The following SULT2B1 variants were observed in gnomAD, a reference collection of about 807,000 sequenced individuals.
The protein encoded by SULT2B1 is sulfotransferase 2B1.
A neutral mutation model predicts 33.2 loss-of-function variants in SULT2B1; 16 were observed. The observed-to-expected ratio is 0.48, with a 90% CI of 0.33 to 0.73. SULT2B1 has a LOEUF of 0.73. Ranked by LOEUF, SULT2B1 falls within the 30% of genes least tolerant of loss-of-function variation. SULT2B1 has a pLI of 0.02. For missense variants in SULT2B1, 500 were observed against 506.0 expected (o/e 0.99, Z 0.11); for synonymous variants, 186 against 200.5 (o/e 0.93, Z 0.61).
chr19:48,578,635 G>A (rs1973444514), intron 2 of SULT2B1, among the ~76,000 whole-genome samples: 1 of 152,104 alleles, frequency 6.6e-6, no homozygotes, highest in East Asian at 1.9e-4. Flanking sequence ...CCAGCAGTTT[G>A]GGAGGCTGAG....
chr19:48,583,899 G>A (rs906492815), intron 2 of SULT2B1, among the ~76,000 whole-genome samples: 3 of 151,968 alleles, frequency 2.0e-5, no homozygotes, highest in Non-Finnish European at 4.4e-5. Flanking sequence ...AGATCACGAG[G>A]TGAAGAGATT....
In SULT2B1 at chr19:48,576,102, G is replaced by A. The variant is rs1973402422; in HGVS notation, c.214+19G>A. On this transcript the variant is annotated intron_variant, in intron 2 of 6. Transcript: ENST00000201586. The stretch of plus-strand genomic sequence containing the variant: ...AAGTCAGGTACCTGCCGGGCTGCGG[G>A]CGTCGGGGGCTGGGGAGAGTGGGGA... 2.5e-6 allele frequency: 4 copies of A among 1,595,342 alleles called. No homozygotes were observed. Among genetic ancestry groups the A allele is most frequent in the Non-Finnish European group, 3.4e-6 (4 of 1,169,520 alleles).
chr19:48,576,359 C>CTTTT (rs1188887401), intron 2 of SULT2B1, among the ~76,000 whole-genome samples: 1 of 96,716 alleles, frequency 1.0e-5, no homozygotes, highest in South Asian at 3.4e-4. Context: ...CTCTACTTCT[C>CTTTT]TTTTTTTTTT....
intron 1 of SULT2B1, among the ~76,000 whole-genome samples, chr19:48,560,274 G>T (rs767131844): frequency 1.3e-5 from 2 of 152,208 alleles, no homozygotes; most frequent in African/African-American, 4.8e-5. Context: ...CTGAGCATCT[G>T]CCCTGAGCCA....
chr19:48,587,472 C>T lies in SULT2B1; in HGVS notation c.423+35C>T, dbSNP rs781746777. On this transcript the variant is annotated intron_variant, in intron 3 of 6. Transcript: ENST00000201586. ...AGGGGTGTGTGTCAGTTGGGAGGGG[C>T]TGCATGGGTGTATGGGGTAATGGGG... The T allele has an allele frequency of 3.7e-6, 6 of 1,609,010 alleles. No individual in the cohort carries two copies. In the South Asian group the frequency reaches 4.4e-5, roughly 12 times the overall value.
chr19:48,592,719 C>A lies in SULT2B1; in HGVS notation c.551-3C>A. ...CTCACCCCACTTGTCCCTCTGCCCA[C>A]AGTGCAGTTTGGCTCCTGGTTCGAC... On this transcript the variant is annotated splice_region_variant and splice_polypyrimidine_tract_variant and intron_variant, in intron 4 of 6. Coordinates refer to ENST00000201586, the MANE Select transcript of SULT2B1 (RefSeq NM_177973.2). 1.9e-6 allele frequency: 3 copies of A among 1,589,100 alleles called. No individual in the cohort carries two copies. Among genetic ancestry groups the A allele is most frequent in the Non-Finnish European group, 2.6e-6 (3 of 1,166,920 alleles).
At chr19:48,598,679 C>A (rs1973755983) in intron 6 of SULT2B1, among the ~76,000 whole-genome samples, 1 of 152,094 alleles carries the variant, frequency 6.6e-6, no homozygotes, top group African/African-American at 2.4e-5. Flanking sequence ...GAGCACAGAG[C>A]CTGCAGAAGG....
chr19:48,583,525 G>A (rs527240912), intron 2 of SULT2B1, among the ~76,000 whole-genome samples: 1 of 152,266 alleles, frequency 6.6e-6, no homozygotes, highest in Admixed American at 6.6e-5. Flanking sequence ...CTGTAAAAAG[G>A]AAGGAAATTC....
chr19:48,584,773 G>T (rs1324767655), intron 2 of SULT2B1, among the ~76,000 whole-genome samples: 2 of 152,054 alleles, frequency 1.3e-5, no homozygotes, highest in Admixed American at 1.3e-4. Context: ...GGCGCAGGCT[G>T]GGCATGGTGG....
At chr19:48,597,171 G>A (rs1490009528) in intron 6 of SULT2B1, among the ~76,000 whole-genome samples, 5 of 152,048 alleles carry the variant, frequency 3.3e-5, no homozygotes, top group Admixed American at 1.3e-4. Flanking sequence ...CCAACGCCAG[G>A]TTTACCCGAG....
Position 48,571,641 on chromosome 19 carries a change from G to GA in SULT2B1, c.72-4293dup, listed in dbSNP as rs55842518. ...CAAACAAGACAGAACAATAACAAAA[G>GA]AAAAAAACACCAGATTTTTTTAAAT... On this transcript the variant is annotated intron_variant, in intron 1 of 6. Transcript: ENST00000201586. 3.4e-5 allele frequency among the ~76,000 whole-genome samples: 5 copies of GA among 148,554 alleles called. No homozygotes were observed. In the East Asian group the frequency reaches 9.7e-4, roughly 29 times the overall value.
intron 1 of SULT2B1, among the ~76,000 whole-genome samples, chr19:48,555,802 C>A (rs945460949): frequency 6.6e-6 from 1 of 151,782 alleles, no homozygotes; most frequent in Non-Finnish European, 1.5e-5. Flanking sequence ...TGCAGTGATG[C>A]GAACTTGGCT....
intron 1 of SULT2B1, among the ~76,000 whole-genome samples, chr19:48,569,364 ATATATATATATATAT>A (rs1973289660): frequency 7.0e-4 from 1 of 1,426 alleles, no homozygotes; most frequent in Admixed American, 6.8e-3. Flanking sequence ...AAAAAAAAAC[ATATATATATATATAT>A]ATATATATAT....
At chr19:48,557,945 TA>T (rs1191470153) in intron 1 of SULT2B1, among the ~76,000 whole-genome samples, 1 of 151,448 alleles carries the variant, frequency 6.6e-6, no homozygotes, top group Non-Finnish European at 1.5e-5. Context: ...TTAAAAAAAT[TA>T]AAAAAAATAA....
At chr19:48,561,547 GA>G (rs36088037) in intron 1 of SULT2B1, among the ~76,000 whole-genome samples, 44,818 of 151,880 alleles carry the variant, frequency 0.3, 7,644 homozygotes, top group East Asian at 0.43. Flanking sequence ...AAGGAGGAGA[GA>G]AAAAAAGTGA....
intron 1 of SULT2B1, among the ~76,000 whole-genome samples, chr19:48,574,364 G>A (rs1167883073): frequency 1.3e-5 from 2 of 152,224 alleles, no homozygotes; most frequent in African/African-American, 4.8e-5. Context: ...CCTCTGGGGA[G>A]TGGGGGAGGG....
rs527488941 is a variant in SULT2B1, at chr19:48,599,247, G to A, written c.939G>A (p.Pro313=). The change falls in exon 7 of 7, where the codon CCG becomes CCA. Residue 313 remains proline, a synonymous_variant. Coordinates refer to ENST00000201586, the MANE Select transcript of SULT2B1 (RefSeq NM_177973.2). This position sits in a 1 kb window ranked among gnomAD's most constrained non-coding sequence, Gnocchi z 4.1. ...GMPTFPWDED[P]EEDGSPDPEP... Reference sequence around the variant, plus strand: ...CGACCTTCCCCTGGGATGAAGACCCGGAGGAGGACGGCAGCCCAGATCCTG... The same window carrying A: ...CGACCTTCCCCTGGGATGAAGACCCAGAGGAGGACGGCAGCCCAGATCCTG... 43 of 1,610,068 alleles carry A rather than the reference G, an allele frequency of 2.7e-5. No individual in the cohort carries two copies. The Admixed American group carries it at 5.2e-4, about 20-fold the overall frequency.
At position 48,599,079 on chromosome 19, in the gene SULT2B1, TA is replaced by T; in HGVS notation, c.827-55del. ...AAGGAGGTTGCTGGAATGTTGGAGG[TA>T]GGGGCGCAGTGCTCCCCAGAGGCTC... On this transcript the variant is annotated intron_variant, in intron 6 of 6. Transcript: ENST00000201586. This position sits in a 1 kb window ranked among gnomAD's most constrained non-coding sequence, Gnocchi z 4.1. 6.5e-7 allele frequency: 1 copy of T among 1,527,022 alleles called. No homozygotes were observed. Among genetic ancestry groups the T allele is most frequent in the Non-Finnish European group, 8.8e-7 (1 of 1,142,596 alleles). The allele number at this position is 1,527,022 out of a possible 1,614,324, so 94.6% of individuals were successfully genotyped here.
chr19:48,598,691 G>T (rs1484028676), intron 6 of SULT2B1, among the ~76,000 whole-genome samples: 3 of 152,100 alleles, frequency 2.0e-5, no homozygotes, highest in Non-Finnish European at 4.4e-5. Flanking sequence ...TGCAGAAGGG[G>T]GTCCCTTCCA....
Sources: allele counts gnomAD v4.1 joint callset (sites outside exome capture counted in the v4.1 genomes callset), GRCh38; gene constraint gnomAD v4.1.1; non-coding constraint Gnocchi (gnomAD v3.1); transcripts MANE v1.5; gene names NCBI Gene and HGNC (gene_info 2026-07-23, HGNC 2026-07-21).